The following ISM1 variants were observed in gnomAD, a reference collection of about 807,000 sequenced individuals.
ISM1 encodes isthmin-1.
Under a neutral mutation model 46.3 loss-of-function variants are expected in ISM1, and 25 were observed. The ratio of observed to expected loss-of-function variants is 0.54; its 90% confidence interval spans 0.39 to 0.75. ISM1 has a LOEUF of 0.75. Among genes scored for constraint, ISM1 ranks in the 30% least tolerant of loss-of-function variants. ISM1 has a pLI of 0.00. For synonymous variants in ISM1, 255 were observed against 256.7 expected (o/e 0.99, Z 0.06); for missense variants, 536 against 625.4 (o/e 0.86, Z 1.52).
rs2039447910 is a variant in ISM1 at position 13,221,583 on chromosome 20, G to A, written c.-194G>A. The stretch of plus-strand genomic sequence containing the variant: ...GGCGGCGGCGGCGGCGGCGCCGGCA[G>A]CTCCTGCTCCCCCGGCCCCGCACAC... On this transcript the variant is annotated 5_prime_UTR_variant, in exon 1 of 6. Coordinates refer to ENST00000262487, the MANE Select transcript of ISM1 (RefSeq NM_080826.2). Among the ~76,000 whole-genome samples the A allele has an allele frequency of 6.9e-6, 1 of 144,784 alleles. No individual in the cohort carries two copies. The highest frequency in any genetic ancestry group is 1.5e-5 in the Non-Finnish European group (1 of 65,428). 95.0% of individuals were successfully genotyped at this position (144,784 alleles called of 152,430 possible).
At chr20:13,302,219 T>C (rs2123346995), downstream of ISM1, among the ~76,000 whole-genome samples, 1 of 152,296 alleles carries the variant, frequency 6.6e-6, no homozygotes, top group East Asian at 1.9e-4. Context: ...CTATTTGCCT[T>C]TTAATATCAG....
At chr20:13,249,386 C>T (rs890753142) in intron 1 of ISM1, among the ~76,000 whole-genome samples, 6 of 152,192 alleles carry the variant, frequency 3.9e-5, no homozygotes, top group Non-Finnish European at 8.8e-5. Flanking sequence ...ACATGAAACA[C>T]GGGCAGGCCA....
intron 1 of ISM1, among the ~76,000 whole-genome samples, chr20:13,255,634 C>T (rs1410001678): frequency 6.6e-6 from 1 of 152,174 alleles, no homozygotes; most frequent in Non-Finnish European, 1.5e-5. Flanking sequence ...AGAAGTGCGA[C>T]ACTAGGGCAT....
chr20:13,232,621 T>C (rs191122130), intron 1 of ISM1, among the ~76,000 whole-genome samples: 13 of 152,380 alleles, frequency 8.5e-5, no homozygotes, highest in African/African-American at 3.1e-4. Flanking sequence ...AACATTTGCT[T>C]TCATTTCTCT....
chr20:13,286,334 C>T (rs906466290), intron 3 of ISM1, among the ~76,000 whole-genome samples: 1 of 128,006 alleles, frequency 7.8e-6, no homozygotes, highest in African/African-American at 3.0e-5. Flanking sequence ...GTGGGAGCAG[C>T]GACTGCTCCT....
At chr20:13,267,319 G>C (rs918970016) in intron 1 of ISM1, among the ~76,000 whole-genome samples, 2 of 152,282 alleles carry the variant, frequency 1.3e-5, no homozygotes, top group East Asian at 3.9e-4. Flanking sequence ...GGGGCAGGGC[G>C]GTTCGGAGAG....
chr20:13,262,786 G>A (rs1326759723), intron 1 of ISM1, among the ~76,000 whole-genome samples: 1 of 152,168 alleles, frequency 6.6e-6, no homozygotes, highest in African/African-American at 2.4e-5. Flanking sequence ...GATACACAGG[G>A]ATGGGTGGCC....
chr20:13,322,779 C>T, the ISM1 span, among the ~76,000 whole-genome samples: 1 of 152,134 alleles, frequency 6.6e-6, no homozygotes, highest in Non-Finnish European at 1.5e-5. Flanking sequence ...AGGAAGTCCC[C>T]GAGATCAAAG....
chr20:13,319,342 G>C, the ISM1 span, among the ~76,000 whole-genome samples: 301 of 152,234 alleles, frequency 2.0e-3, 1 homozygote, highest in Middle Eastern at 0.017. Context: ...CTGGCAGCCC[G>C]GGTATTTCTA....
intron 1 of ISM1, among the ~76,000 whole-genome samples, chr20:13,228,060 T>C (rs1280351139): frequency 6.9e-6 from 1 of 145,524 alleles, no homozygotes. Flanking sequence ...GCAACCTCCC[T>C]CTCCCGGGTT....
rs541974056 is a variant in ISM1 at position 13,277,247 on chromosome 20, C to T, written c.379-2387C>T. Among the ~76,000 whole-genome samples the T allele has an allele frequency of 5.9e-5, 9 of 152,186 alleles. 1 individual carries two copies. Among genetic ancestry groups the T allele is most frequent in the Non-Finnish European group, 1.2e-4 (8 of 68,034 alleles). On this transcript the variant is annotated intron_variant, in intron 2 of 5. Transcript: ENST00000262487. ...CGTTTTGTTTAAGCAATCCCTTTGA[C>T]TCCAGTCTGAATACAAATGGAATAC...
intron 3 of ISM1, among the ~76,000 whole-genome samples, chr20:13,286,803 T>C (rs2040298373): frequency 1.3e-5 from 2 of 152,190 alleles, no homozygotes; most frequent in African/African-American, 4.8e-5. Context: ...GAAACATGTG[T>C]GGACTACATT....
rs181265012 is a variant in ISM1, at chr20:13,247,706, A to C, written c.139-22798A>C. On this transcript the variant is annotated intron_variant, in intron 1 of 5. Coordinates refer to ENST00000262487, the MANE Select transcript of ISM1 (RefSeq NM_080826.2). ...CGTGTTTGCACCTGGGAACTGTGAG[A>C]AGTATTGAAAGCTTCATAAAGGAGA... 1.4e-4 allele frequency among the ~76,000 whole-genome samples: 22 copies of C among 152,258 alleles called. No individual in the cohort carries two copies. In the East Asian group the frequency reaches 4.2e-3, roughly 29 times the overall value.
intron 1 of ISM1, among the ~76,000 whole-genome samples, chr20:13,250,017 G>A (rs912695576): frequency 3.3e-5 from 5 of 152,092 alleles, no homozygotes; most frequent in African/African-American, 4.8e-5. Context: ...TCCATCGATC[G>A]CTTCCAGGGG....
the ISM1 span, among the ~76,000 whole-genome samples, chr20:13,312,025 A>ACCAT: frequency 1.3e-5 from 2 of 152,076 alleles, no homozygotes; most frequent in Admixed American, 6.5e-5. Context: ...CACATTGTAC[A>ACCAT]CCATAAATAT....
At chr20:13,301,517 C>T (rs115186053), downstream of ISM1, among the ~76,000 whole-genome samples, 1,500 of 152,192 alleles carry the variant, frequency 9.9e-3, 31 homozygotes, top group African/African-American at 0.034. Context: ...ATTATTTACA[C>T]CTTAGAAGGT....
intron 2 of ISM1, among the ~76,000 whole-genome samples, chr20:13,271,832 T>C (rs1269730649): frequency 6.7e-6 from 1 of 149,986 alleles, no homozygotes; most frequent in Non-Finnish European, 1.5e-5. Flanking sequence ...TAGAATACAA[T>C]GGCACGATCA....
chr20:13,301,104 A>G (rs1236644602), downstream of ISM1, among the ~76,000 whole-genome samples: 2 of 152,196 alleles, frequency 1.3e-5, no homozygotes, highest in Non-Finnish European at 2.9e-5. Context: ...TGAAGTCCTT[A>G]TATTCCCGGT....
Position 13,270,604 on chromosome 20 carries a change from C to T in ISM1, c.239C>T (p.Pro80Leu), listed in dbSNP as rs1292728921. The stretch of plus-strand genomic sequence containing the variant: ...CTGGACCACCAGGCTGCACACCAAC[C>T]CTTCCCCAGACCGCGATTCCGACAA... Reference protein sequence around the residue: ...EHLDHQAAHQPFPRPRFRQET... With the variant: ...EHLDHQAAHQLFPRPRFRQET... The change falls in exon 2 of 6, where the codon CCC (proline) becomes CTC (leucine). Residue 80 changes from proline (P) to leucine (L), a missense_variant. Pro to Leu is a moderately conservative substitution (Grantham distance 98, BLOSUM62 -3). This residue lies in a region of ISM1 where 367 missense variants were observed against 376.1 expected (regional missense o/e 0.98). Coordinates refer to ENST00000262487, the MANE Select transcript of ISM1 (RefSeq NM_080826.2). The T allele has an allele frequency of 1.9e-6, 3 of 1,613,884 alleles. No homozygotes were observed. The highest frequency in any genetic ancestry group is 1.3e-5 in the African/African-American group (1 of 74,920).
Sources: gnomAD v4.1 joint callset for allele counts (sites outside exome capture counted in the v4.1 genomes callset) on GRCh38, gnomAD v4.1.1 for gene constraint, gnomAD v4.1.1 regional missense constraint, MANE v1.5 for transcripts, NCBI Gene and HGNC (gene_info 2026-07-23, HGNC 2026-07-21) for gene names.